CPNE4: variants seen among roughly 807,000 people sequenced by gnomAD.
The protein encoded by CPNE4 is copine-4.
Under a neutral mutation model 67.9 loss-of-function variants are expected in CPNE4, and 25 were observed. That is an observed-to-expected ratio of 0.37 (90% CI 0.27 to 0.51). The LOEUF (loss-of-function observed/expected upper bound fraction) is 0.51. Among genes scored for constraint, CPNE4 ranks in the 20% least tolerant of loss-of-function variants. CPNE4 has a pLI of 0.93. For missense variants in CPNE4, 464 were observed against 690.8 expected (o/e 0.67, Z 3.68); for synonymous variants, 242 against 244.9 (o/e 0.99, Z 0.11).
intron 2 of CPNE4, among the ~76,000 whole-genome samples, chr3:131,861,627 T>G (rs551422711): frequency 5.7e-4 from 87 of 152,222 alleles, no homozygotes; most frequent in African/African-American, 2.0e-3. Context: ...GAGATGGGGT[T>G]TCACTATGTT....
At chr3:131,698,233 C>CAAGAAAAAAAA in intron 4 of CPNE4, among the ~76,000 whole-genome samples, 1 of 64,450 alleles carries the variant, frequency 1.6e-5, no homozygotes, top group Non-Finnish European at 2.6e-5. Context: ...GGCTCTGTCT[C>CAAGAAAAAAAA]AAAAAAAAAA....
chr3:131,828,569 C>G (rs1282395672), intron 2 of CPNE4, among the ~76,000 whole-genome samples: 1 of 152,160 alleles, frequency 6.6e-6, no homozygotes, highest in Admixed American at 6.5e-5. Context: ...CTGGTTTGAG[C>G]TGCTGCAAAG....
chr3:131,781,842 T>C lies in CPNE4; in HGVS notation c.181-58217A>G, dbSNP rs148522931. 1.3e-3 allele frequency among the ~76,000 whole-genome samples: 193 copies of C among 152,132 alleles called. 2 individuals are homozygous for C. Among genetic ancestry groups the C allele is most frequent in the African/African-American group, 4.5e-3 (189 of 41,540 alleles). On this transcript the variant is annotated intron_variant, in intron 2 of 15. Transcript: ENST00000429747. ...CACATTTTTTGTCTTATTTTCCTTG[T>C]TATTTGGAGCACACACAAAAACCTC...
At chr3:131,736,851 A>G (rs1294328732) in intron 2 of CPNE4, among the ~76,000 whole-genome samples, 2 of 152,136 alleles carry the variant, frequency 1.3e-5, no homozygotes, top group Non-Finnish European at 2.9e-5. Context: ...AAGCTCTCCA[A>G]TTGCAGACTT....
At chr3:131,566,932 T>A (rs963070563) in intron 10 of CPNE4, among the ~76,000 whole-genome samples, 8 of 152,104 alleles carry the variant, frequency 5.3e-5, no homozygotes, top group Non-Finnish European at 1.2e-4. Context: ...CTTTAATTTA[T>A]CTAAAAAGTG....
At chr3:132,018,900 T>C (rs1425627322) in intron 1 of CPNE4, among the ~76,000 whole-genome samples, 1 of 152,206 alleles carries the variant, frequency 6.6e-6, no homozygotes. Flanking sequence ...TGAAGAGTGA[T>C]TCGATTGCTA....
chr3:131,652,455 T>C (rs1157461078), intron 7 of CPNE4, among the ~76,000 whole-genome samples: 5 of 152,220 alleles, frequency 3.3e-5, no homozygotes, highest in Non-Finnish European at 5.9e-5. Context: ...TCTAGGACTT[T>C]TAAAAATAAT....
At chr3:131,569,729 A>G (rs899133210) in intron 10 of CPNE4, among the ~76,000 whole-genome samples, 2 of 151,754 alleles carry the variant, frequency 1.3e-5, no homozygotes, top group African/African-American at 4.8e-5. Flanking sequence ...AGATTTCCTG[A>G]GAGAACCTTT....
chr3:131,709,547 G>T (rs960568132), intron 3 of CPNE4, among the ~76,000 whole-genome samples: 1 of 152,200 alleles, frequency 6.6e-6, no homozygotes, highest in South Asian at 2.1e-4. Flanking sequence ...AAAAGTGCTG[G>T]CAAAGAGGTT....
chr3:131,557,782 A>G (rs1205314501), intron 11 of CPNE4, among the ~76,000 whole-genome samples: 1 of 152,000 alleles, frequency 6.6e-6, no homozygotes, highest in Non-Finnish European at 1.5e-5. Flanking sequence ...CTCCTTAAAC[A>G]AAACAAGCAT....
chr3:131,673,125 C>T (rs546906980), intron 6 of CPNE4, among the ~76,000 whole-genome samples: 16 of 152,012 alleles, frequency 1.1e-4, no homozygotes, highest in African/African-American at 3.9e-4. Context: ...TTCTTGGCAC[C>T]TTTGTCAAAA....
At chr3:131,662,154 G>A (rs142137010) in intron 7 of CPNE4, among the ~76,000 whole-genome samples, 304 of 152,268 alleles carry the variant, frequency 2.0e-3, no homozygotes, top group Non-Finnish European at 3.7e-3. Context: ...GAGGCAAGTA[G>A]GGACCCAGGG....
Position 131,535,092 on chromosome 3 carries a change from G to T in CPNE4, c.*103C>A. ...ACCAAAACGTGCTATTTTTAAATGT[G>T]TATATGTTGTTGGTTTTTTAAAGTA... On this transcript the variant is annotated 3_prime_UTR_variant, in exon 16 of 16. Transcript: ENST00000429747. 1 of 1,240,196 alleles carries T rather than the reference G, an allele frequency of 8.1e-7. No individual in the cohort carries two copies. The highest frequency in any genetic ancestry group is 1.1e-6 in the Non-Finnish European group (1 of 903,850). The allele number at this position is 1,240,196 out of a possible 1,614,324, so 76.8% of individuals were successfully genotyped here. A position where few individuals can be genotyped will look rare whatever the true frequency, so the allele number is the denominator to read the frequency against.
At chr3:131,665,717 A>T (rs910407849) in intron 7 of CPNE4, among the ~76,000 whole-genome samples, 3 of 152,116 alleles carry the variant, frequency 2.0e-5, no homozygotes, top group African/African-American at 7.2e-5. Flanking sequence ...AAAGAAAAAA[A>T]GTTAATGGGA....
At chr3:131,609,200 A>G (rs1559977131) in intron 7 of CPNE4, among the ~76,000 whole-genome samples, 1 of 152,160 alleles carries the variant, frequency 6.6e-6, no homozygotes, top group South Asian at 2.1e-4. Context: ...AACCACTTCT[A>G]TTTAACTTAC....
intron 7 of CPNE4, among the ~76,000 whole-genome samples, chr3:131,613,579 T>C (rs1246536186): frequency 6.6e-6 from 1 of 152,208 alleles, no homozygotes. Context: ...GTTGTTCATA[T>C]TTGCAAATAA....
chr3:131,899,816 A>G (rs758885743), intron 2 of CPNE4, among the ~76,000 whole-genome samples: 10 of 152,124 alleles, frequency 6.6e-5, no homozygotes, highest in Non-Finnish European at 1.2e-4. Flanking sequence ...AGGTATAGGT[A>G]AAATTGTTAT....
At chr3:131,712,814 G>T (rs1433237975) in intron 3 of CPNE4, among the ~76,000 whole-genome samples, 1 of 152,220 alleles carries the variant, frequency 6.6e-6, no homozygotes, top group Non-Finnish European at 1.5e-5. Context: ...ATTTGTAGGG[G>T]AAACACAAGG....
chr3:131,856,690 C>G (rs955139933), intron 2 of CPNE4, among the ~76,000 whole-genome samples: 7 of 151,988 alleles, frequency 4.6e-5, no homozygotes, highest in African/African-American at 1.7e-4. Flanking sequence ...ACTTTCCAAG[C>G]ATGATCCTTC....
Sources: allele counts gnomAD v4.1 joint callset (sites outside exome capture counted in the v4.1 genomes callset), GRCh38; gene constraint gnomAD v4.1.1; transcripts MANE v1.5; gene names NCBI Gene and HGNC (gene_info 2026-07-23, HGNC 2026-07-21).